DOCK1: variants seen among roughly 807,000 people sequenced by gnomAD.
DOCK1 encodes dedicator of cytokinesis 1.
A neutral mutation model predicts 262.7 loss-of-function variants in DOCK1; 138 were observed. The ratio of observed to expected loss-of-function variants is 0.53; its 90% CI spans 0.46 to 0.61. DOCK1 has a LOEUF of 0.61. Ranked by LOEUF, DOCK1 falls within the 20% of genes least tolerant of loss-of-function variation. The probability of loss-of-function intolerance (pLI) is 0.00; values close to 1 mark genes in which losing one functional copy is unlikely to be tolerated. For synonymous variants in DOCK1, 866 were observed against 867.4 expected (o/e 1.00, Z 0.03); for missense variants, 1,908 against 2,370.7 (o/e 0.80, Z 4.05).
intron 51 of DOCK1, among the ~76,000 whole-genome samples, chr10:127,449,994 A>G (rs2070850428): frequency 6.6e-6 from 1 of 152,170 alleles, no homozygotes; most frequent in African/African-American, 2.4e-5. Context: ...TGTGGTCCTT[A>G]CCTGCTCCTC....
At chr10:127,411,007 C>T (rs2067815299) in intron 43 of DOCK1, 83 bp downstream of exon 43, 8 of 1,373,126 alleles carry the variant, frequency 5.8e-6, no homozygotes, top group African/African-American at 1.4e-5. Flanking sequence ...GAAGCGTGGC[C>T]TCAGAGGCAG....
chr10:127,240,493 G>A (rs544026355), intron 27 of DOCK1, among the ~76,000 whole-genome samples: 6 of 152,048 alleles, frequency 3.9e-5, no homozygotes, highest in Admixed American at 2.6e-4. Context: ...CCCATTTTCC[G>A]GTGAGCTTCA....
intron 27 of DOCK1, among the ~76,000 whole-genome samples, chr10:127,230,719 T>C (rs1409885157): frequency 1.3e-5 from 2 of 152,184 alleles, no homozygotes; most frequent in Non-Finnish European, 2.9e-5. Flanking sequence ...ATCTTTGTTA[T>C]TTTTGCCCAA....
intron 13 of DOCK1, among the ~76,000 whole-genome samples, chr10:127,022,411 T>A (rs2042498298): frequency 6.6e-6 from 1 of 152,182 alleles, no homozygotes; most frequent in Non-Finnish European, 1.5e-5. Flanking sequence ...GCATGTGCCA[T>A]GTTGGCGTGC....
intron 27 of DOCK1, among the ~76,000 whole-genome samples, chr10:127,171,051 G>A (rs867178730): frequency 6.6e-6 from 1 of 152,174 alleles, no homozygotes; most frequent in Non-Finnish European, 1.5e-5. Context: ...ACTGTGTGCT[G>A]GTTATAAGTG....
At chr10:127,443,833 C>T (rs2070351954) in intron 49 of DOCK1, among the ~76,000 whole-genome samples, 1 of 152,044 alleles carries the variant, frequency 6.6e-6, no homozygotes, top group Non-Finnish European at 1.5e-5. Flanking sequence ...TAGGTATTCT[C>T]CTCCCCTCTG....
intron 29 of DOCK1, among the ~76,000 whole-genome samples, chr10:127,296,583 T>C (rs2061512429): frequency 6.6e-6 from 1 of 152,222 alleles, no homozygotes; most frequent in African/African-American, 2.4e-5. Flanking sequence ...CAAAGAATCT[T>C]CCAGATTCCT....
chr10:126,977,336 G>T (rs2038622942), intron 2 of DOCK1, among the ~76,000 whole-genome samples: 1 of 152,166 alleles, frequency 6.6e-6, no homozygotes, highest in African/African-American at 2.4e-5. Context: ...CTCGCCACTT[G>T]GAAGGAGCGA....
intron 22 of DOCK1, among the ~76,000 whole-genome samples, chr10:127,056,941 T>C (rs996889298): frequency 1.3e-5 from 2 of 152,206 alleles, no homozygotes; most frequent in Non-Finnish European, 2.9e-5. Context: ...AGAAGTCTTC[T>C]AGTAATCCCT....
intron 31 of DOCK1, chr10:127,344,106 G>A (rs890675599): frequency 5.3e-6 from 1 of 188,106 alleles, no homozygotes; most frequent in Non-Finnish European, 1.1e-5. Flanking sequence ...GAAAGCTCTT[G>A]GCTCTATTGG....
chr10:127,418,459 G>A lies in DOCK1; in HGVS notation c.4610G>A (p.Ser1537Asn), dbSNP rs1460702393. ...SMVQQHLDDP[S>N]LPINPLSMLL... ...GTGCAGCAGCACCTGGATGACCCCA[G>A]CCTGCCCATCAACCCGCTCTCCATG... is the stretch of plus-strand genomic sequence containing the variant. Residue 1537 changes from serine to asparagine, a missense_variant, in exon 45 of 52, where the codon AGC becomes AAC. Physicochemically the swap from Ser to Asn is conservative, Grantham distance 46 (BLOSUM62 1). Around this residue, in one of 9 missense-constraint regions of DOCK1, gnomAD observed 57 missense variants for 103.1 expected, o/e 0.55. Transcript: ENST00000623213. 1.4e-5 allele frequency: 22 copies of A among 1,613,974 alleles called. No individual in the cohort carries two copies. The highest frequency in any genetic ancestry group is 3.3e-5 in the Admixed American group (2 of 59,998).
rs538544255 is a variant in DOCK1, at chr10:127,130,017, T to C, written c.2847+2253T>C. Among the ~76,000 whole-genome samples the C allele has an allele frequency of 1.0e-3, 154 of 150,736 alleles. 1 individual carries two copies. Among genetic ancestry groups the C allele is most frequent in the African/African-American group, 3.5e-3 (144 of 40,842 alleles). Reference sequence around the variant, plus strand: ...CAGTCCAGTCTCTGGTTAGGGGGTGTGGTCCTGTCTCTAGTTGGGGCACAA... The same window carrying C: ...CAGTCCAGTCTCTGGTTAGGGGGTGCGGTCCTGTCTCTAGTTGGGGCACAA... On this transcript the variant is annotated intron_variant, in intron 27 of 51. Coordinates refer to ENST00000623213, the MANE Select transcript of DOCK1 (RefSeq NM_001290223.2).
intron 29 of DOCK1, among the ~76,000 whole-genome samples, chr10:127,271,474 A>C (rs1028802833): frequency 1.3e-5 from 2 of 152,368 alleles, no homozygotes; most frequent in Non-Finnish European, 2.9e-5. Context: ...AGGTCTATAA[A>C]AAAATGATAA....
chr10:127,048,226 GGT>G lies in DOCK1; in HGVS notation c.2202-4453_2202-4452del, dbSNP rs202014745. Among the ~76,000 whole-genome samples, 39 of 152,240 alleles carry G rather than the reference GGT, an allele frequency of 2.6e-4. No individual in the cohort carries two copies. In the East Asian group the frequency reaches 7.0e-3, roughly 27 times the overall value. ...TACTGGGGGCAAAATTATATCTCTT[GGT>G]GATTTTAATTTGCAGTTACTGGATA... On this transcript the variant is annotated intron_variant, in intron 21 of 51. Transcript: ENST00000623213.
chr10:127,435,093 G>A (rs2069587951), intron 48 of DOCK1, among the ~76,000 whole-genome samples: 1 of 152,122 alleles, frequency 6.6e-6, no homozygotes, highest in Admixed American at 6.5e-5. Flanking sequence ...TGTGGCTCTG[G>A]CATTAGCTCA....
In DOCK1 at chr10:127,360,376, G is replaced by T. The variant is rs563794043; in HGVS notation, c.3284-1688G>T. Among the ~76,000 whole-genome samples, 8 of 152,284 alleles carry T rather than the reference G, an allele frequency of 5.3e-5. No homozygotes were observed. The South Asian group carries it at 1.7e-3, about 32-fold the overall frequency. On this transcript the variant is annotated intron_variant, in intron 32 of 51. Transcript: ENST00000623213. ...CCCACAACTAGCAGGAGGGGGAGGGGCTGGCCACCACATCAGGCCCAGCTG... is the reference window on the plus strand; with the variant it reads ...CCCACAACTAGCAGGAGGGGGAGGGTCTGGCCACCACATCAGGCCCAGCTG...
intron 29 of DOCK1, among the ~76,000 whole-genome samples, chr10:127,295,713 G>T (rs1006607311): frequency 6.6e-6 from 1 of 151,978 alleles, no homozygotes; most frequent in Admixed American, 6.6e-5. Flanking sequence ...TGATTGGGAG[G>T]GTTTGGGGCC....
chr10:127,293,037 A>G (rs1339060874), intron 29 of DOCK1, among the ~76,000 whole-genome samples: 1 of 152,182 alleles, frequency 6.6e-6, no homozygotes, highest in Non-Finnish European at 1.5e-5. Flanking sequence ...CTGGCCCCAC[A>G]CTCAGCAAGG....
At chr10:127,418,843 T>C (rs1204240619) in intron 45 of DOCK1, among the ~76,000 whole-genome samples, 4 of 152,210 alleles carry the variant, frequency 2.6e-5, no homozygotes, top group Non-Finnish European at 5.9e-5. Context: ...TCTGGGATCT[T>C]ACAGGCCAAA....
Sources: allele counts gnomAD v4.1 joint callset (sites outside exome capture counted in the v4.1 genomes callset), GRCh38; gene constraint gnomAD v4.1.1; regional missense constraint gnomAD v4.1.1; transcripts MANE v1.5; gene names NCBI Gene and HGNC (gene_info 2026-07-23, HGNC 2026-07-21).